The following PCDHA4 variants were observed in gnomAD, a reference collection of about 807,000 sequenced individuals.
PCDHA4 encodes the protein protocadherin alpha 4.
PCDHA4 carries 49 observed loss-of-function variants against 61.4 expected under a neutral mutation model. The ratio of observed to expected loss-of-function variants is 0.80; its 90% CI spans 0.63 to 1.01. The LOEUF (loss-of-function observed/expected upper bound fraction) is 1.01, where lower values mean the gene tolerates loss of function less well. Among genes scored for constraint, PCDHA4 ranks in the 50% least tolerant of loss-of-function variants. The pLI, the probability that PCDHA4 is intolerant of heterozygous loss-of-function variation, is 0.00. For missense variants in PCDHA4, 1,254 were observed against 1,235.8 expected (o/e 1.01, Z -0.22); for synonymous variants, 590 against 550.3 (o/e 1.07, Z -1.01).
At chr5:141,007,379 C>T (rs1178671835) in intron 3 of PCDHA4, among the ~76,000 whole-genome samples, 1 of 139,926 alleles carries the variant, frequency 7.1e-6, no homozygotes, top group Non-Finnish European at 1.5e-5. Context: ...GATGGAACAC[C>T]ATCTCTACTA....
chr5:140,988,817 C>T (rs1244038207), intron 3 of PCDHA4: 8 of 152,028 alleles, frequency 5.3e-5, no homozygotes, highest in Admixed American at 1.3e-4. Context: ...TAACAGTAGC[C>T]CCAAACAGAG....
At chr5:140,968,401 C>T (rs1554230667) in intron 1 of PCDHA4, 1 of 1,613,984 alleles carries the variant, frequency 6.2e-7, no homozygotes, top group South Asian at 1.1e-5. Context: ...TTCGGGAGTT[C>T]TTTGTGACTG....
At chr5:140,981,001 C>A (rs2096914160) in intron 2 of PCDHA4, among the ~76,000 whole-genome samples, 1 of 151,906 alleles carries the variant, frequency 6.6e-6, no homozygotes, top group Non-Finnish European at 1.5e-5. Flanking sequence ...CTAGTAGGAT[C>A]CAGGAACACT....
intron 1 of PCDHA4, chr5:140,848,856 G>T: frequency 1.3e-6 from 2 of 1,590,682 alleles, no homozygotes; most frequent in South Asian, 2.2e-5. Context: ...CCATGTGGAC[G>T]TGGAGGTGAA....
intron 1 of PCDHA4, among the ~76,000 whole-genome samples, chr5:140,970,865 T>C (rs1255232385): frequency 6.6e-6 from 1 of 152,180 alleles, no homozygotes; most frequent in Non-Finnish European, 1.5e-5. Context: ...CCATTCCTGA[T>C]TGAGAGTAGA....
chr5:140,859,468 C>T, intron 1 of PCDHA4: 1 of 211,932 alleles, frequency 4.7e-6, no homozygotes, highest in Non-Finnish European at 9.2e-6. Flanking sequence ...ACTACACTAT[C>T]AATTGTGTTT....
chr5:140,941,245 TTCTTTCTTTCTC>T (rs2092955664), intron 1 of PCDHA4, among the ~76,000 whole-genome samples: 1 of 140,868 alleles, frequency 7.1e-6, no homozygotes, highest in African/African-American at 2.6e-5. Flanking sequence ...CTTTCTTTCT[TTCTTTCTTTCTC>T]TTTCTTTCTT....
chr5:140,953,467 C>T (rs952334269), intron 1 of PCDHA4, among the ~76,000 whole-genome samples: 1 of 152,090 alleles, frequency 6.6e-6, no homozygotes, highest in African/African-American at 2.4e-5. Context: ...AGAGTTTTAA[C>T]TTCCTCATGC....
intron 1 of PCDHA4, 194 bp downstream of exon 1, chr5:140,809,766 A>G (rs1484637756): frequency 3.3e-5 from 19 of 581,822 alleles, no homozygotes; most frequent in Non-Finnish European, 5.3e-5. Flanking sequence ...TTTATGCTGC[A>G]TTATTCAATG....
chr5:140,938,650 A>G (rs184257234), intron 1 of PCDHA4, among the ~76,000 whole-genome samples: 3 of 152,214 alleles, frequency 2.0e-5, no homozygotes, highest in Non-Finnish European at 2.9e-5. Flanking sequence ...ATCCTTCTTT[A>G]TATCATTAGA....
chr5:140,879,720 G>C (rs1275273892), intron 1 of PCDHA4, among the ~76,000 whole-genome samples: 1 of 152,212 alleles, frequency 6.6e-6, no homozygotes, highest in Non-Finnish European at 1.5e-5. Flanking sequence ...TTGGAGACCA[G>C]AAGTCCAAAA....
At chr5:140,839,340 G>A (rs1354702544) in intron 1 of PCDHA4, among the ~76,000 whole-genome samples, 1 of 150,850 alleles carries the variant, frequency 6.6e-6, no homozygotes, top group Admixed American at 6.6e-5. Context: ...AAGTTGATAG[G>A]GGATCCTCCT....
At chr5:140,815,287 C>T (rs1325438151) in intron 1 of PCDHA4, 3 of 152,036 alleles carry the variant, frequency 2.0e-5, no homozygotes, top group African/African-American at 7.2e-5. Flanking sequence ...TTACTGTCTT[C>T]CTTTGTGTTT....
chr5:140,882,596 G>C, intron 1 of PCDHA4: 1 of 1,614,248 alleles, frequency 6.2e-7, no homozygotes, highest in Non-Finnish European at 8.5e-7. Context: ...GGAGGTGATC[G>C]TGGACAGGCC....
Position 140,871,175 on chromosome 5 carries a change from C to T in PCDHA4, c.2385+61603C>T, listed in dbSNP as rs782460096. ...GCGGGCGCCGCGAGCCCAGAGGCTG[C>T]GCTGGTGGATGTCAACGTGTACCTG... is the stretch of plus-strand genomic sequence containing the variant. On this transcript the variant is annotated intron_variant, in intron 1 of 3. Transcript: ENST00000530339. 8 of 1,613,402 alleles carry T rather than the reference C, an allele frequency of 5.0e-6. No individual in the cohort carries two copies. In the African/African-American group the frequency reaches 5.3e-5, roughly 11 times the overall value.
At position 140,807,525 on chromosome 5, in the gene PCDHA4, C is replaced by A. The variant is rs367896801; in HGVS notation, c.338C>A (p.Pro113Gln). 5.0e-6 allele frequency: 8 copies of A among 1,614,052 alleles called. No individual in the cohort carries two copies. The East Asian group carries it at 1.3e-4, about 27-fold the overall frequency. ...SIHLEVIVDR[P>Q]LQVFHVDVEV... ...CACCTGGAGGTGATCGTAGACAGGC[C>A]GCTGCAGGTTTTCCATGTGGACGTG... Residue 113 changes from proline to glutamine, a missense_variant, in exon 1 of 4, where the codon CCG (proline) becomes CAG (glutamine). By Grantham distance (76) the Pro-to-Gln change is moderately conservative. Transcript: ENST00000530339.
chr5:140,822,617 G>C (rs2150117818), intron 1 of PCDHA4: 14 of 1,610,588 alleles, frequency 8.7e-6, no homozygotes, highest in Non-Finnish European at 1.2e-5. Flanking sequence ...TATTTCTTTA[G>C]TAATCTTGTT....
chr5:140,812,579 C>T (rs2150030409), intron 1 of PCDHA4: 1 of 151,040 alleles, frequency 6.6e-6, no homozygotes, highest in East Asian at 2.0e-4. Flanking sequence ...TGAGATCTTT[C>T]TTCTTTCTTC....
intron 1 of PCDHA4, among the ~76,000 whole-genome samples, chr5:140,938,921 T>C (rs2092266107): frequency 6.6e-6 from 1 of 151,840 alleles, no homozygotes; most frequent in Non-Finnish European, 1.5e-5. Context: ...GCACAAGAAA[T>C]TGGCTTTTAA....
Sources: allele counts gnomAD v4.1 joint callset (sites outside exome capture counted in the v4.1 genomes callset), GRCh38; gene constraint gnomAD v4.1.1; transcripts MANE v1.5; gene names NCBI Gene and HGNC (gene_info 2026-07-23, HGNC 2026-07-21).